MPND: variants seen among roughly 807,000 people sequenced by gnomAD.
MPND encodes MPN domain-containing protein.
MPND carries 56 observed loss-of-function variants against 59.2 expected under a neutral mutation model. The ratio of observed to expected loss-of-function variants is 0.95; its 90% CI spans 0.76 to 1.18. The LOEUF (loss-of-function observed/expected upper bound fraction) is 1.18. Among genes scored for constraint, MPND ranks in the 50% most tolerant of loss-of-function variants. The pLI is 0.00. For missense variants in MPND, 671 were observed against 676.0 expected (o/e 0.99, Z 0.08); for synonymous variants, 323 against 291.9 (o/e 1.11, Z -1.09).
At chr19:4,346,074 G>T in intron 3 of MPND, 93 bp downstream of exon 3, 2 of 1,069,468 alleles carry the variant, frequency 1.9e-6, no homozygotes. Flanking sequence ...GGAGGTATTA[G>T]TAATATATAC....
intron 4 of MPND, 109 bp from the exon 5 acceptor site, chr19:4,353,936 C>T (rs1414416481): frequency 1.1e-6 from 1 of 914,134 alleles, no homozygotes; most frequent in Non-Finnish European, 1.7e-6. Context: ...TCAAGCGATC[C>T]TCCTGCTTCA....
intron 8 of MPND, among the ~76,000 whole-genome samples, chr19:4,356,431 T>C (rs1972439721): frequency 6.6e-6 from 1 of 151,994 alleles, no homozygotes; most frequent in African/African-American, 2.4e-5. Flanking sequence ...TGTAGTCCCA[T>C]CTATTTGAGA....
intron 6 of MPND, 130 bp downstream of exon 6, chr19:4,354,550 G>A (rs764483398): frequency 1.3e-6 from 1 of 752,602 alleles, no homozygotes; most frequent in Non-Finnish European, 2.2e-6. Flanking sequence ...CTGGTACACT[G>A]TGGGTGCTCA....
In MPND at chr19:4,354,211, G is replaced by A. The variant is rs890434780; in HGVS notation, c.749+82G>A. 8 of 1,529,772 alleles carry A rather than the reference G, an allele frequency of 5.2e-6. No individual in the cohort carries two copies. In the African/African-American group the frequency reaches 9.6e-5, roughly 18 times the overall value. The allele number at this position is 1,529,772 out of a possible 1,614,324, so 94.8% of individuals were successfully genotyped here. On this transcript the variant is annotated intron_variant, in intron 5 of 12. Coordinates refer to ENST00000599840, the MANE Select transcript of MPND (RefSeq NM_001300862.2). ...CTTGGGGTAGCAAGGGCAGGGGTGG[G>A]GGGTGGGACAGAGCCTCAGATCCTC...
intron 2 of MPND, among the ~76,000 whole-genome samples, chr19:4,344,980 G>A (rs1029493992): frequency 8.1e-5 from 12 of 148,506 alleles, no homozygotes; most frequent in Non-Finnish European, 1.6e-4. Flanking sequence ...CTGACCTCGT[G>A]GTCCGCCTGC....
chr19:4,358,660 G>T (rs995578010), intron 11 of MPND, among the ~76,000 whole-genome samples: 5 of 152,294 alleles, frequency 3.3e-5, no homozygotes, highest in African/African-American at 7.2e-5. Context: ...GGTGGCGGGT[G>T]CCTATAGTCC....
chr19:4,354,413 T>A lies in MPND; in HGVS notation c.839T>A (p.Phe280Tyr), dbSNP rs1972389251. 5 of 1,555,912 alleles carry A rather than the reference T, an allele frequency of 3.2e-6. No individual in the cohort carries two copies. Among genetic ancestry groups the A allele is most frequent in the Non-Finnish European group, 4.4e-6 (5 of 1,148,812 alleles). The change falls in exon 6 of 13, where the codon TTC becomes TAC. Residue 280 changes from phenylalanine to tyrosine, a missense_variant. Physicochemically the swap from Phe to Tyr is conservative, Grantham distance 22 (BLOSUM62 3). Transcript: ENST00000599840. ...FNVAVSSNVL[F>Y]LLDFHSHLTR... ...GTGGCTGTTTCTAGCAACGTGCTGT[T>A]CCTGCTGGTGTGTGGCCCACCCTGT...
At chr19:4,358,563 G>A (rs1599580063) in intron 11 of MPND, 1 of 189,342 alleles carries the variant, frequency 5.3e-6, no homozygotes, top group East Asian at 1.5e-4. Context: ...TGAGGTGGGT[G>A]GATCACCTGA....
Position 4,360,060 on chromosome 19 carries a change from TAAA to T in MPND, c.*59_*61del, listed in dbSNP as rs1972554159. On this transcript the variant is annotated 3_prime_UTR_variant, in exon 13 of 13. Transcript: ENST00000599840. Reference sequence around the variant, plus strand: ...TGAGGGTCCGGATGGGCTCAGGTAATAAAGAAACGGAAGCAGCAGCCAGCCACG... The same window carrying T: ...TGAGGGTCCGGATGGGCTCAGGTAATGAAACGGAAGCAGCAGCCAGCCACG... 2 of 1,455,378 alleles carry T rather than the reference TAAA, an allele frequency of 1.4e-6. No individual in the cohort carries two copies. Among genetic ancestry groups the T allele is most frequent in the African/African-American group, 1.4e-5 (1 of 70,692 alleles). The allele number at this position is 1,455,378 out of a possible 1,614,324, so 90.2% of individuals were successfully genotyped here. A position where few individuals can be genotyped will look rare whatever the true frequency, so the allele number is the denominator to read the frequency against.
chr19:4,355,946 C>T (rs1283986923), intron 8 of MPND, among the ~76,000 whole-genome samples: 5 of 150,842 alleles, frequency 3.3e-5, no homozygotes, highest in South Asian at 2.1e-4. Flanking sequence ...CTCCACCTTC[C>T]GGATTCAAGT....
chr19:4,347,801 C>T (rs1972219050), intron 3 of MPND: 1 of 403,420 alleles, frequency 2.5e-6, no homozygotes, highest in Non-Finnish European at 4.8e-6. Context: ...TTCACATGAT[C>T]CTCCTTAGTC....
chr19:4,345,254 C>A lies in MPND; in HGVS notation c.295-491C>A, dbSNP rs565674106. On this transcript the variant is annotated intron_variant, in intron 2 of 12. Transcript: ENST00000599840. The stretch of plus-strand genomic sequence containing the variant: ...TAGAGATGGGGTTTCACCATGTTGG[C>A]CAGGCTGGTCTCAAACTCCTGACCT... Among the ~76,000 whole-genome samples the A allele has an allele frequency of 4.0e-5, 6 of 151,812 alleles. No individual in the cohort carries two copies. In the South Asian group the frequency reaches 8.3e-4, roughly 21 times the overall value.
chr19:4,354,372 G>A lies in MPND; in HGVS notation c.798G>A (p.Lys266=), dbSNP rs1972387315. 6.4e-7 allele frequency: 1 copy of A among 1,562,138 alleles called. No individual in the cohort carries two copies. Among genetic ancestry groups the A allele is most frequent in the Non-Finnish European group, 8.7e-7 (1 of 1,151,844 alleles). The change falls in exon 6 of 13, where the codon AAG becomes AAA. Residue 266 remains lysine (K), a synonymous_variant. Coordinates refer to ENST00000599840, the MANE Select transcript of MPND (RefSeq NM_001300862.2). ...VEVTSFAAIN[K]FQPFNVAVSS... ...TAACATCCTTTGCAGCCATCAACAAGTTCCAGCCGTTCAACGTGGCTGTTT... is the reference window on the plus strand; with the variant it reads ...TAACATCCTTTGCAGCCATCAACAAATTCCAGCCGTTCAACGTGGCTGTTT...
At chr19:4,354,286 GGATTCCTGA>G (rs909208529) in intron 5 of MPND, 29 bp from the exon 6 acceptor site, 1 of 1,537,558 alleles carries the variant, frequency 6.5e-7, no homozygotes, top group African/African-American at 1.4e-5. Context: ...AAGAGCCTGG[GGATTCCTGA>G]GACTGTGCGA....
At chr19:4,357,922 C>A (rs1972479985) in intron 10 of MPND, 161 bp from the exon 11 acceptor site, 1 of 642,814 alleles carries the variant, frequency 1.6e-6, no homozygotes, top group Non-Finnish European at 2.8e-6. Context: ...AGTAAGGATG[C>A]TACACTGCCT....
intron 3 of MPND, among the ~76,000 whole-genome samples, chr19:4,351,116 T>C (rs1350355027): frequency 6.6e-6 from 1 of 152,170 alleles, no homozygotes; most frequent in Non-Finnish European, 1.5e-5. Context: ...TTAATTTGTA[T>C]TTTTGTAGAC....
chr19:4,347,681 GA>G, intron 3 of MPND: 1 of 448,208 alleles, frequency 2.2e-6, no homozygotes, highest in Non-Finnish European at 4.1e-6. Flanking sequence ...ACAAAGGACA[GA>G]AAGGAAATTC....
chr19:4,352,999 G>C lies in MPND; in HGVS notation c.634G>C (p.Gly212Arg). 7.3e-7 allele frequency: 1 copy of C among 1,363,042 alleles called. No homozygotes were observed. The highest frequency in any genetic ancestry group is 2.0e-4 in the Middle Eastern group (1 of 5,036). The allele number at this position is 1,363,042 out of a possible 1,614,324, so 84.4% of individuals were successfully genotyped here. A position where few individuals can be genotyped will look rare whatever the true frequency, so the allele number is the denominator to read the frequency against. ...SAEDKSRRPL[G>R]KSPSEPAHPE... Reference sequence around the variant, plus strand: ...AGAGGACAAGAGTCGGAGACCACTGGGGAAGAGCCCTTCAGAGCCTGCCCA... The same window carrying C: ...AGAGGACAAGAGTCGGAGACCACTGCGGAAGAGCCCTTCAGAGCCTGCCCA... The change falls in exon 4 of 13, where the codon GGG becomes CGG. Residue 212 changes from glycine (G) to arginine (R), a missense_variant. Gly to Arg is a moderately radical substitution (Grantham distance 125, BLOSUM62 -2). Transcript: ENST00000599840.
chr19:4,345,763 G>A lies in MPND; in HGVS notation c.313G>A (p.Asp105Asn), dbSNP rs747283158. The A allele has an allele frequency of 2.8e-5, 45 of 1,613,730 alleles. 2 individuals carry two copies. In the South Asian group the frequency reaches 4.0e-4, roughly 14 times the overall value. The change falls in exon 3 of 13, where the codon GAC (aspartate) becomes AAC (asparagine). Residue 105 changes from aspartate to asparagine, a missense_variant. Transcript: ENST00000599840. ...IYYLGKKFLG[D>N]LQPDGRIMWQ... ...ACTGCAGGGGAAGAAGTTCCTGGGC[G>A]ACCTGCAGCCAGACGGAAGGATCAT...
Sources: allele counts gnomAD v4.1 joint callset (sites outside exome capture counted in the v4.1 genomes callset), GRCh38; gene constraint gnomAD v4.1.1; transcripts MANE v1.5; gene names NCBI Gene and HGNC (gene_info 2026-07-23, HGNC 2026-07-21).